EMILIN2: variants seen among roughly 807,000 people sequenced by gnomAD.
EMILIN2 encodes the protein EMILIN-2.
In EMILIN2, 71 loss-of-function variants were observed where a neutral mutation model predicts 87.1. The observed-to-expected ratio is 0.82, with a 90% CI of 0.67 to 0.99. The LOEUF (loss-of-function observed/expected upper bound fraction) is 0.99, where lower values mean the gene tolerates loss of function less well. Ranked by LOEUF, EMILIN2 falls within the 50% of genes least tolerant of loss-of-function variation. EMILIN2 has a pLI of 0.00. For synonymous variants in EMILIN2, 581 were observed against 563.4 expected, an observed-to-expected ratio of 1.03 and a Z score of -0.44; for missense variants, 1,407 against 1,371.8, an observed-to-expected ratio of 1.03 and a Z score of -0.40.
At chr18:2,909,992 C>T (rs1013536095) in intron 7 of EMILIN2, among the ~76,000 whole-genome samples, 173 bp downstream of exon 7, 6 of 152,216 alleles carry the variant, frequency 3.9e-5, no homozygotes, top group Admixed American at 6.5e-5. Context: ...TGGGCTTTCA[C>T]GTAGAACGTG....
upstream of EMILIN2, chr18:2,846,687 G>A (rs1037191370): frequency 1.1e-6 from 1 of 925,424 alleles, no homozygotes; most frequent in Non-Finnish European, 1.3e-6. This position sits in a 1 kb window ranked among gnomAD's most constrained non-coding sequence, Gnocchi z 5.3. Context: ...ACGCGAGGAC[G>A]GCCAGACTCG....
chr18:2,891,360 A>G lies in EMILIN2; in HGVS notation c.1233A>G (p.Thr411=), dbSNP rs2076835415. 6.2e-7 allele frequency: 1 copy of G among 1,614,134 alleles called. No individual in the cohort carries two copies. The highest frequency in any genetic ancestry group is 1.1e-5 in the South Asian group (1 of 91,090). ...KNGDIGQQIK[T]LDQKIERVAE... ...GTGACATTGGTCAACAGATCAAGAC[A>G]TTGGACCAGAAAATCGAGAGAGTTG... Residue 411 remains threonine, a synonymous_variant, in exon 4 of 8, where the codon ACA becomes ACG. Transcript: ENST00000254528. The surrounding 1 kb of genome is among the most constrained non-coding windows in gnomAD (Gnocchi z 4.6).
rs2076612222 is a variant in EMILIN2, at chr18:2,853,583, G to A, written c.257+5652G>A. On this transcript the variant is annotated intron_variant, in intron 2 of 7. Coordinates refer to ENST00000254528, the MANE Select transcript of EMILIN2 (RefSeq NM_032048.3). ...TGTGACGAGCCCTGCCATGTTCATT[G>A]TTTTCCATTCTTATAGCAACCCTCT... 5.3e-5 allele frequency among the ~76,000 whole-genome samples: 8 copies of A among 152,278 alleles called. No homozygotes were observed. In the South Asian group the frequency reaches 1.7e-3, roughly 32 times the overall value.
At position 2,913,632 on chromosome 18, in the gene EMILIN2, GGAC is replaced by G; in HGVS notation, c.*229_*231del. On this transcript the variant is annotated 3_prime_UTR_variant, in exon 8 of 8. Transcript: ENST00000254528. ...CACTGACTTTTCTGCCACTCTAACTGGACAACTGGAAGACTTGGAAAGGCCTCC... is the reference window on the plus strand; with the variant it reads ...CACTGACTTTTCTGCCACTCTAACTGAACTGGAAGACTTGGAAAGGCCTCC... 2.0e-6 allele frequency: 1 copy of G among 503,808 alleles called. No homozygotes were observed. The highest frequency in any genetic ancestry group is 3.5e-6 in the Non-Finnish European group (1 of 285,666). 31.2% of individuals were successfully genotyped at this position (503,808 alleles called of 1,614,324 possible).
At chr18:2,855,703 C>T (rs2076623754) in intron 2 of EMILIN2, among the ~76,000 whole-genome samples, 1 of 152,182 alleles carries the variant, frequency 6.6e-6, no homozygotes, top group Admixed American at 6.6e-5. Flanking sequence ...GTCCTACAGC[C>T]TGACATCTCC....
At chr18:2,889,593 T>C (rs2076822909) in intron 3 of EMILIN2, among the ~76,000 whole-genome samples, 1 of 152,024 alleles carries the variant, frequency 6.6e-6, no homozygotes, top group African/African-American at 2.4e-5. Context: ...TTATTAAAAA[T>C]TAATAATTGT....
chr18:2,911,446 A>G (rs2076940368), intron 7 of EMILIN2, among the ~76,000 whole-genome samples: 1 of 152,092 alleles, frequency 6.6e-6, no homozygotes, highest in African/African-American at 2.4e-5. Context: ...TCATCGCCCA[A>G]CTCCGGAGAT....
Position 2,891,339 on chromosome 18 carries a change from C to T in EMILIN2, c.1212C>T (p.Asp404=), listed in dbSNP as rs984781696. 1 of 1,614,100 alleles carries T rather than the reference C, an allele frequency of 6.2e-7. No individual in the cohort carries two copies. The highest frequency in any genetic ancestry group is 8.5e-7 in the Non-Finnish European group (1 of 1,180,040). ...ANCCDSEKNG[D]IGQQIKTLDQ... is the part of the protein sequence containing the mutation. ...GCTGCGACAGTGAAAAGAATGGTGA[C>T]ATTGGTCAACAGATCAAGACATTGG... The change falls in exon 4 of 8, where the codon GAC becomes GAT. Residue 404 remains aspartate, a synonymous_variant. Transcript: ENST00000254528. The surrounding 1 kb of genome is among the most constrained non-coding windows in gnomAD (Gnocchi z 4.6).
Position 2,913,640 on chromosome 18 carries a change from GGAAGA to G in EMILIN2, c.*237_*241del. 3 of 359,176 alleles carry G rather than the reference GGAAGA, an allele frequency of 8.4e-6. No individual in the cohort carries two copies. Among genetic ancestry groups the G allele is most frequent in the South Asian group, 1.0e-4 (1 of 9,786 alleles). 22.2% of individuals were successfully genotyped at this position (359,176 alleles called of 1,614,324 possible). A position where few individuals can be genotyped will look rare whatever the true frequency, so the allele number is the denominator to read the frequency against. ...TTTCTGCCACTCTAACTGGACAACTGGAAGACTTGGAAAGGCCTCCACCTGTATCT... is the reference window on the plus strand; with the variant it reads ...TTTCTGCCACTCTAACTGGACAACTGCTTGGAAAGGCCTCCACCTGTATCT... On this transcript the variant is annotated 3_prime_UTR_variant, in exon 8 of 8. Transcript: ENST00000254528.
Position 2,890,571 on chromosome 18 carries a change from C to T in EMILIN2, c.444C>T (p.Pro148=), listed in dbSNP as rs761768762. 3.2e-6 allele frequency: 5 copies of T among 1,568,154 alleles called. No individual in the cohort carries two copies. The highest frequency in any genetic ancestry group is 3.5e-6 in the Non-Finnish European group (4 of 1,153,516). Residue 148 remains proline, a synonymous_variant, in exon 4 of 8, where the codon CCC becomes CCT. Coordinates refer to ENST00000254528, the MANE Select transcript of EMILIN2 (RefSeq NM_032048.3). The surrounding 1 kb of genome is among the most constrained non-coding windows in gnomAD (Gnocchi z 4.7). ...NSLKKATDNE[P]SQFSEPRKTL... is the part of the protein sequence containing the mutation. ...TTATCTTTGTAACAGATAATGAACCCAGCCAATTCTCAGAGCCCAGGAAGA... is the reference window on the plus strand; with the variant it reads ...TTATCTTTGTAACAGATAATGAACCTAGCCAATTCTCAGAGCCCAGGAAGA...
At position 2,848,165 on chromosome 18, in the gene EMILIN2, G is replaced by T. The variant is rs1176640510; in HGVS notation, c.257+234G>T. 6.6e-6 allele frequency among the ~76,000 whole-genome samples: 1 copy of T among 152,220 alleles called. No homozygotes were observed. The highest frequency in any genetic ancestry group is 1.5e-5 in the Non-Finnish European group (1 of 68,030). On this transcript the variant is annotated intron_variant, in intron 2 of 7. Transcript: ENST00000254528. This position sits in a 1 kb window ranked among gnomAD's most constrained non-coding sequence, Gnocchi z 4.1. ...GGATGCGCGCGCCTCGGGAGTGTGG[G>T]GTCGCGGGGGCGTAGGAGAGGATGA...
chr18:2,909,645 G>A (rs62075049), intron 6 of EMILIN2, 46 bp from the exon 7 acceptor site: 98,718 of 1,601,504 alleles, frequency 0.062, 4,031 homozygotes, highest in African/African-American at 0.17. Flanking sequence ...CCCCCTGGAG[G>A]ACAGAAGCAC....
chr18:2,889,670 A>G (rs892594875), intron 3 of EMILIN2, among the ~76,000 whole-genome samples: 13 of 123,206 alleles, frequency 1.1e-4, no homozygotes, highest in African/African-American at 3.9e-4. Context: ...CAATGTTTGC[A>G]TTCTTCTTCT....
At position 2,847,041 on chromosome 18, in the gene EMILIN2, G is replaced by T. The variant is rs1249660588; in HGVS notation, c.-148G>T. ...GTAGGAACGAGAAGCCGGAGGGGGC[G>T]GCCGCGGAGCACTGGTTGGAGCGCC... On this transcript the variant is annotated 5_prime_UTR_variant, in exon 1 of 8. Transcript: ENST00000254528. This position sits in a 1 kb window ranked among gnomAD's most constrained non-coding sequence, Gnocchi z 4.5. 2 of 1,058,490 alleles carry T rather than the reference G, an allele frequency of 1.9e-6. No individual in the cohort carries two copies. Among genetic ancestry groups the T allele is most frequent in the African/African-American group, 3.4e-5 (2 of 58,022 alleles). The allele number at this position is 1,058,490 out of a possible 1,614,324, so 65.6% of individuals were successfully genotyped here. A position where few individuals can be genotyped will look rare whatever the true frequency, so the allele number is the denominator to read the frequency against.
intron 4 of EMILIN2, among the ~76,000 whole-genome samples, chr18:2,901,403 C>T (rs1178249642): frequency 6.6e-6 from 1 of 152,236 alleles, no homozygotes; most frequent in African/African-American, 2.4e-5. Context: ...AGCACATCAG[C>T]CCCATGAATT....
chr18:2,892,532 C>T (rs200055914), intron 4 of EMILIN2, 46 bp downstream of exon 4: 257 of 1,516,344 alleles, frequency 1.7e-4, no homozygotes, highest in Non-Finnish European at 2.0e-4. Context: ...CTTTGCAGCA[C>T]GCAACAACAT....
At chr18:2,898,620 T>C (rs2076874334) in intron 4 of EMILIN2, among the ~76,000 whole-genome samples, 5 of 152,216 alleles carry the variant, frequency 3.3e-5, no homozygotes, top group Admixed American at 1.3e-4. Context: ...CCCTTTCTGC[T>C]CATGTCTCTG....
rs1033675430 is a variant in EMILIN2, at chr18:2,880,036, T to C, written c.258-4928T>C. On this transcript the variant is annotated intron_variant, in intron 2 of 7. Transcript: ENST00000254528. The surrounding 1 kb of genome is among the most constrained non-coding windows in gnomAD (Gnocchi z 4.1). Reference sequence around the variant, plus strand: ...ATATTAATTTTTAAAAATGGGATGTTATAGTGAACAAAACCAACAGGAATT... The same window carrying C: ...ATATTAATTTTTAAAAATGGGATGTCATAGTGAACAAAACCAACAGGAATT... 6.6e-6 allele frequency among the ~76,000 whole-genome samples: 1 copy of C among 152,162 alleles called. No individual in the cohort carries two copies. The highest frequency in any genetic ancestry group is 6.5e-5 in the Admixed American group (1 of 15,270).
intron 2 of EMILIN2, among the ~76,000 whole-genome samples, chr18:2,877,498 T>C (rs2076755241): frequency 6.6e-6 from 1 of 151,038 alleles, no homozygotes; most frequent in South Asian, 2.1e-4. Flanking sequence ...AAAATCAGTC[T>C]ACTGGCTGGG....
Sources: gnomAD v4.1 joint callset for allele counts (sites outside exome capture counted in the v4.1 genomes callset) on GRCh38, gnomAD v4.1.1 for gene constraint, Gnocchi (gnomAD v3.1) non-coding constraint, MANE v1.5 for transcripts, NCBI Gene and HGNC (gene_info 2026-07-23, HGNC 2026-07-21) for gene names.